The following KCNQ1 variants were observed in gnomAD, a reference collection of about 807,000 sequenced individuals.
KCNQ1 encodes the protein potassium voltage-gated channel subfamily KQT member 1.
In KCNQ1, 49 loss-of-function variants were observed where a neutral mutation model predicts 72.4. The observed-to-expected ratio is 0.68, with a 90% confidence interval of 0.54 to 0.86. The LOEUF is 0.86. KCNQ1 is among the 40% of genes least tolerant of loss of function. The pLI, the probability that KCNQ1 is intolerant of heterozygous loss-of-function variation, is 0.00. For synonymous variants in KCNQ1, 450 were observed against 412.6 expected, an observed-to-expected ratio of 1.09 and a Z score of -1.10; for missense variants, 790 against 945.1, an observed-to-expected ratio of 0.84 and a Z score of 2.15.
intron 15 of KCNQ1, among the ~76,000 whole-genome samples, chr11:2,845,018 C>T (rs2237899): frequency 0.17 from 26,277 of 152,138 alleles, 2,971 homozygotes; most frequent in East Asian, 0.43. Flanking sequence ...TGATCTGCTA[C>T]GCTCTCGTAG....
Position 2,495,862 on chromosome 11 carries a change from C to A in KCNQ1, c.387-32066C>A, listed in dbSNP as rs1416801884. On this transcript the variant is annotated intron_variant, in intron 1 of 15. Transcript: ENST00000155840. The surrounding 1 kb of genome is among the most constrained non-coding windows in gnomAD (Gnocchi z 4.6). ...TAGATGTCTATTAGGTCCGCTTGGT[C>A]CAGAGCTGAGTTCAAGTCCTGAATA... is the stretch of plus-strand genomic sequence containing the variant. Among the ~76,000 whole-genome samples the A allele has an allele frequency of 1.3e-5, 2 of 152,126 alleles. No individual in the cohort carries two copies. Among genetic ancestry groups the A allele is most frequent in the Non-Finnish European group, 2.9e-5 (2 of 68,028 alleles).
chr11:2,802,487 C>A (rs1674350267), intron 15 of KCNQ1, among the ~76,000 whole-genome samples: 1 of 152,232 alleles, frequency 6.6e-6, no homozygotes, highest in African/African-American at 2.4e-5. Context: ...CCCCTGGAGA[C>A]TCCAGGAGCT....
chr11:2,518,811 C>T (rs900177546), intron 1 of KCNQ1, among the ~76,000 whole-genome samples: 13 of 152,182 alleles, frequency 8.5e-5, no homozygotes, highest in African/African-American at 2.9e-4. Context: ...ACTCAGCTGC[C>T]GCGGAACAAG....
rs1483734371 is a variant in KCNQ1, at chr11:2,491,108, G to A, written c.387-36820G>A. On this transcript the variant is annotated intron_variant, in intron 1 of 15. Coordinates refer to ENST00000155840, the MANE Select transcript of KCNQ1 (RefSeq NM_000218.3). This position sits in a 1 kb window ranked among gnomAD's most constrained non-coding sequence, Gnocchi z 4.1. ...TAGATCACAACACCCAAGTCCCTTT[G>A]AATACCTGGAAAGCTTTACCAAGAA... is the stretch of plus-strand genomic sequence containing the variant. 6.6e-6 allele frequency among the ~76,000 whole-genome samples: 1 copy of A among 152,170 alleles called. No homozygotes were observed. The highest frequency in any genetic ancestry group is 1.9e-4 in the East Asian group (1 of 5,192).
At chr11:2,680,332 A>AAG (rs1850373877) in intron 11 of KCNQ1, 1 of 397,950 alleles carries the variant, frequency 2.5e-6, no homozygotes, top group African/African-American at 2.1e-5. Flanking sequence ...CTCAAAAAAA[A>AAG]AGTCTTTCCA....
chr11:2,668,036 T>C lies in KCNQ1; in HGVS notation c.1514+5955T>C, dbSNP rs1850115002. The C allele has an allele frequency of 5.0e-6, 2 of 398,486 alleles. No homozygotes were observed. The highest frequency in any genetic ancestry group is 2.5e-4 in the South Asian group (2 of 7,854). 24.7% of individuals were successfully genotyped at this position (398,486 alleles called of 1,614,324 possible). A position where few individuals can be genotyped will look rare whatever the true frequency, so the allele number is the denominator to read the frequency against. On this transcript the variant is annotated intron_variant, in intron 11 of 15. Transcript: ENST00000155840. This position sits in a 1 kb window ranked among gnomAD's most constrained non-coding sequence, Gnocchi z 4.3. ...CTAACTGCTAGCAGCAAGGACCAGC[T>C]TTGCCCACATTTGAACTTTATGCGG...
rs76457161 is a variant in KCNQ1, at chr11:2,844,051, C to T, written c.1795-3716C>T. ...GATGGCACCTGCCCGGATGCACCTC[C>T]GCATGGGTGGGGTCTGGCCTCGGCC... On this transcript the variant is annotated intron_variant, in intron 15 of 15. Transcript: ENST00000155840. 7.0e-3 allele frequency among the ~76,000 whole-genome samples: 1,065 copies of T among 152,346 alleles called. 7 individuals are homozygous for T. Among genetic ancestry groups the T allele is most frequent in the Non-Finnish European group, 0.011 (758 of 68,030 alleles).
rs937800267 is a variant in KCNQ1, at chr11:2,462,810, G to A, written c.386+17326G>A. On this transcript the variant is annotated intron_variant, in intron 1 of 15. Coordinates refer to ENST00000155840, the MANE Select transcript of KCNQ1 (RefSeq NM_000218.3). The surrounding 1 kb of genome is among the most constrained non-coding windows in gnomAD (Gnocchi z 8.2). Reference sequence around the variant, plus strand: ...CTGGAGGTTTGAGGAGCAGAAAGTAGACCCTTGACCCTCCCTGGGCTGGTG... The same window carrying A: ...CTGGAGGTTTGAGGAGCAGAAAGTAAACCCTTGACCCTCCCTGGGCTGGTG... Among the ~76,000 whole-genome samples the A allele has an allele frequency of 1.3e-5, 2 of 152,148 alleles. No individual in the cohort carries two copies. The highest frequency in any genetic ancestry group is 4.8e-5 in the African/African-American group (2 of 41,430).
In KCNQ1 at chr11:2,550,656, G is replaced by A. The variant is rs1847969995; in HGVS notation, c.478-19972G>A. Among the ~76,000 whole-genome samples, 1 of 152,204 alleles carries A rather than the reference G, an allele frequency of 6.6e-6. No homozygotes were observed. The highest frequency in any genetic ancestry group is 2.1e-4 in the South Asian group (1 of 4,832). Reference sequence around the variant, plus strand: ...TGAATGAAGGGTGCTGGGGTGGCGAGTTGAGGGCCAACAGAGATGGTGTCC... The same window carrying A: ...TGAATGAAGGGTGCTGGGGTGGCGAATTGAGGGCCAACAGAGATGGTGTCC... On this transcript the variant is annotated intron_variant, in intron 2 of 15. Coordinates refer to ENST00000155840, the MANE Select transcript of KCNQ1 (RefSeq NM_000218.3). The surrounding 1 kb of genome is among the most constrained non-coding windows in gnomAD (Gnocchi z 6.0).
At chr11:2,686,800 C>G in intron 11 of KCNQ1, 1 of 398,688 alleles carries the variant, frequency 2.5e-6, no homozygotes, top group Non-Finnish European at 4.4e-6. Flanking sequence ...CAAGCAGCCC[C>G]TGCTCACCCC....
At chr11:2,630,167 C>G (rs1028773318) in intron 10 of KCNQ1, 3 of 398,116 alleles carry the variant, frequency 7.5e-6, no homozygotes, top group African/African-American at 6.2e-5. Flanking sequence ...TTGCACTTAT[C>G]AAAATGATTG....
intron 15 of KCNQ1, among the ~76,000 whole-genome samples, chr11:2,797,863 G>C (rs986642641): frequency 6.6e-6 from 1 of 151,782 alleles, no homozygotes; most frequent in African/African-American, 2.4e-5. Flanking sequence ...AGGCACAGGG[G>C]ATACCTCTTC....
rs574155310 is a variant in KCNQ1 at position 2,699,970 on chromosome 11, G to A, written c.1514+37889G>A. 204 of 398,348 alleles carry A rather than the reference G, an allele frequency of 5.1e-4. 1 individual carries two copies. Among genetic ancestry groups the A allele is most frequent in the African/African-American group, 3.8e-3 (183 of 48,738 alleles). The allele number at this position is 398,348 out of a possible 1,614,324, so 24.7% of individuals were successfully genotyped here. A position where few individuals can be genotyped will look rare whatever the true frequency, so the allele number is the denominator to read the frequency against. ...GCTGAGGAGCTCCCTGGAGGTCCGT[G>A]CTGAGGCGACGCGGCGACCGTTCTG... is the stretch of plus-strand genomic sequence containing the variant. On this transcript the variant is annotated intron_variant, in intron 11 of 15. Transcript: ENST00000155840.
intron 10 of KCNQ1, chr11:2,632,439 C>G: frequency 5.0e-6 from 2 of 398,308 alleles, no homozygotes; most frequent in Non-Finnish European, 8.9e-6. Flanking sequence ...TGCTTTATTC[C>G]TGATCTTAGA....
chr11:2,498,176 G>C lies in KCNQ1; in HGVS notation c.387-29752G>C, dbSNP rs557559389. ...AGGGACCCACTTGAGGAGGCAGTCTGTCCCTTAGCAGAGCTCATGCACTGT... is the reference window on the plus strand; with the variant it reads ...AGGGACCCACTTGAGGAGGCAGTCTCTCCCTTAGCAGAGCTCATGCACTGT... On this transcript the variant is annotated intron_variant, in intron 1 of 15. Coordinates refer to ENST00000155840, the MANE Select transcript of KCNQ1 (RefSeq NM_000218.3). The surrounding 1 kb of genome is among the most constrained non-coding windows in gnomAD (Gnocchi z 4.8). 3.2e-4 allele frequency among the ~76,000 whole-genome samples: 49 copies of C among 152,324 alleles called. 1 individual carries two copies. In the South Asian group the frequency reaches 0.01, roughly 32 times the overall value.
At chr11:2,456,208 C>G (rs146252263) in intron 1 of KCNQ1, among the ~76,000 whole-genome samples, 1 of 151,900 alleles carries the variant, frequency 6.6e-6, no homozygotes, top group East Asian at 1.9e-4. Flanking sequence ...TGTGGTGGTA[C>G]GCACCTGTGG....
In KCNQ1 at chr11:2,762,036, C is replaced by T. The variant is rs931611327; in HGVS notation, c.1515-6808C>T. On this transcript the variant is annotated intron_variant, in intron 11 of 15. Transcript: ENST00000155840. The surrounding 1 kb of genome is among the most constrained non-coding windows in gnomAD (Gnocchi z 4.3). ...CGGTCATGGCCACAGGCTCCCAAGG[C>T]CCTAAGTGACAGCCAGTGGTAGACC... 5.9e-5 allele frequency among the ~76,000 whole-genome samples: 9 copies of T among 152,236 alleles called. No individual in the cohort carries two copies. Among genetic ancestry groups the T allele is most frequent in the African/African-American group, 2.2e-4 (9 of 41,458 alleles).
chr11:2,563,054 G>T lies in KCNQ1; in HGVS notation c.478-7574G>T, dbSNP rs12363216. Among the ~76,000 whole-genome samples the T allele has an allele frequency of 0.07, 10,631 of 152,156 alleles. 488 individuals are homozygous for T. The highest frequency in any genetic ancestry group is 0.098 in the Non-Finnish European group (6,664 of 68,016). On this transcript the variant is annotated intron_variant, in intron 2 of 15. Transcript: ENST00000155840. This position sits in a 1 kb window ranked among gnomAD's most constrained non-coding sequence, Gnocchi z 7.4. Reference sequence around the variant, plus strand: ...TCATCCAGAGAGACAGGATGTGAGCGCAGCTGGTCAGAACCAGTTATTTCA... The same window carrying T: ...TCATCCAGAGAGACAGGATGTGAGCTCAGCTGGTCAGAACCAGTTATTTCA...
Position 2,495,055 on chromosome 11 carries a change from G to A in KCNQ1, c.387-32873G>A, listed in dbSNP as rs890737765. 6.6e-6 allele frequency among the ~76,000 whole-genome samples: 1 copy of A among 151,916 alleles called. No individual in the cohort carries two copies. The highest frequency in any genetic ancestry group is 1.5e-5 in the Non-Finnish European group (1 of 67,992). On this transcript the variant is annotated intron_variant, in intron 1 of 15. Coordinates refer to ENST00000155840, the MANE Select transcript of KCNQ1 (RefSeq NM_000218.3). This position sits in a 1 kb window ranked among gnomAD's most constrained non-coding sequence, Gnocchi z 4.6. ...CTATTCAGGGATTCGACTTTTTCCT[G>A]GTTTAGTCTTGGAGGGTGTATGTGT... is the stretch of plus-strand genomic sequence containing the variant.
Sources: allele counts gnomAD v4.1 joint callset (sites outside exome capture counted in the v4.1 genomes callset), GRCh38; gene constraint gnomAD v4.1.1; non-coding constraint Gnocchi (gnomAD v3.1); transcripts MANE v1.5; gene names NCBI Gene and HGNC (gene_info 2026-07-23, HGNC 2026-07-21).